Variants in ENOX2 observed in about 807,000 individuals in gnomAD.
The protein encoded by ENOX2 is APK1 antigen.
A neutral mutation model predicts 45.0 loss-of-function variants in ENOX2; 36 were observed. That is an observed-to-expected ratio of 0.80 (90% CI 0.61 to 1.06). The LOEUF (loss-of-function observed/expected upper bound fraction) is 1.06, where lower values mean the gene tolerates loss of function less well. ENOX2 is among the 50% of genes least tolerant of loss of function. The pLI, the probability that ENOX2 is intolerant of heterozygous loss-of-function variation, is 0.00. For synonymous variants in ENOX2, 174 were observed against 152.3 expected (o/e 1.14, Z -1.05); for missense variants, 423 against 462.5 (o/e 0.91, Z 0.78).
intron 2 of ENOX2, among the ~76,000 whole-genome samples, chrX:130,795,271 C>T (rs1237794209): frequency 8.9e-6 from 1 of 111,772 alleles, no homozygotes; most frequent in Non-Finnish European, 1.9e-5. Context: ...TTAGAGAAGT[C>T]CCTGCCTAAG....
At chrX:130,665,108 A>C (rs1163801292) in intron 9 of ENOX2, among the ~76,000 whole-genome samples, 3 of 112,205 alleles carry the variant, frequency 2.7e-5, no homozygotes, top group Non-Finnish European at 5.6e-5. Context: ...TAAAAATGTC[A>C]CTTGAGTATA....
chrX:130,773,069 T>C (rs1399123234), intron 3 of ENOX2, among the ~76,000 whole-genome samples: 1 of 112,537 alleles, frequency 8.9e-6, no homozygotes, highest in African/African-American at 3.2e-5. Flanking sequence ...AAGGCCAGAA[T>C]TGGATTCTGT....
At chrX:130,660,386 T>C (rs1418049565) in intron 9 of ENOX2, among the ~76,000 whole-genome samples, 2 of 111,867 alleles carry the variant, frequency 1.8e-5, no homozygotes, top group African/African-American at 6.5e-5. Context: ...CTTAAAGCAC[T>C]TGATGTCTGA....
chrX:130,700,028 T>C (rs903577860), intron 4 of ENOX2, among the ~76,000 whole-genome samples: 1 of 111,771 alleles, frequency 8.9e-6, no homozygotes, highest in Non-Finnish European at 1.9e-5. Context: ...CCCTACAACA[T>C]AGGTGCCGTT....
At chrX:130,788,853 T>C (rs958321495) in intron 2 of ENOX2, among the ~76,000 whole-genome samples, 3 of 112,303 alleles carry the variant, frequency 2.7e-5, no homozygotes, top group African/African-American at 6.5e-5. Flanking sequence ...TAAAGACAAA[T>C]AGATAATAAA....
At chrX:130,894,558 A>C (rs1334395908) in intron 2 of ENOX2, among the ~76,000 whole-genome samples, 1 of 109,703 alleles carries the variant, frequency 9.1e-6, no homozygotes, top group Non-Finnish European at 1.9e-5. Flanking sequence ...TCTAAATTGA[A>C]AGTATTTCAA....
intron 3 of ENOX2, among the ~76,000 whole-genome samples, chrX:130,704,194 G>T (rs995020607): frequency 1.8e-5 from 2 of 111,932 alleles, no homozygotes; most frequent in African/African-American, 6.5e-5. Flanking sequence ...GACTCAAATG[G>T]TATAGATCAG....
chrX:130,647,189 C>T (rs780935769), intron 10 of ENOX2, among the ~76,000 whole-genome samples: 15 of 112,116 alleles, frequency 1.3e-4, no homozygotes, highest in Non-Finnish European at 2.8e-4. Flanking sequence ...GCTGCTAAGC[C>T]AGGGTACAAT....
At chrX:130,653,075 C>G in intron 10 of ENOX2, among the ~76,000 whole-genome samples, 1 of 112,025 alleles carries the variant, frequency 8.9e-6, no homozygotes, top group East Asian at 2.8e-4. Flanking sequence ...CAGACTCATT[C>G]CTGGCTTTTT....
intron 3 of ENOX2, among the ~76,000 whole-genome samples, chrX:130,717,642 C>G (rs1251739731): frequency 8.9e-6 from 1 of 112,100 alleles, no homozygotes; most frequent in Non-Finnish European, 1.9e-5. Context: ...TTCTGTATAT[C>G]AAATCCTATT....
intron 6 of ENOX2, among the ~76,000 whole-genome samples, chrX:130,673,435 C>T (rs894993109): frequency 3.8e-5 from 4 of 104,133 alleles, no homozygotes; most frequent in African/African-American, 1.1e-4. Flanking sequence ...CACAAAGCAA[C>T]GAGAAAAACA....
chrX:130,715,848 C>T (rs2038316752), intron 3 of ENOX2, among the ~76,000 whole-genome samples: 2 of 111,866 alleles, frequency 1.8e-5, no homozygotes, highest in Admixed American at 9.5e-5. Context: ...TAGTACCCAT[C>T]TTATAGAGCT....
At chrX:130,818,263 TGG>T (rs2077524869) in intron 2 of ENOX2, among the ~76,000 whole-genome samples, 3 of 111,372 alleles carry the variant, frequency 2.7e-5, no homozygotes, top group Non-Finnish European at 5.7e-5. Context: ...CATAAAGAAA[TGG>T]AAAAACATCC....
At chrX:130,763,785 GTGT>G (rs1569498421) in intron 3 of ENOX2, among the ~76,000 whole-genome samples, 1 of 111,129 alleles carries the variant, frequency 9.0e-6, no homozygotes. Context: ...CCTGGCAGAA[GTGT>G]TGATGTGCCT....
chrX:130,692,639 G>C (rs10218316), intron 4 of ENOX2, among the ~76,000 whole-genome samples: 44 of 105,122 alleles, frequency 4.2e-4, no homozygotes, highest in African/African-American at 1.5e-3. Context: ...GGAGTGGAGT[G>C]GTGCGATCTC....
chrX:130,809,908 T>G (rs759630854), intron 2 of ENOX2, among the ~76,000 whole-genome samples: 1 of 111,192 alleles, frequency 9.0e-6, no homozygotes, highest in Non-Finnish European at 1.9e-5. Flanking sequence ...TAGAGCTTCT[T>G]GCACTCCTCT....
At chrX:130,742,219 A>ATG (rs1204270997) in intron 3 of ENOX2, among the ~76,000 whole-genome samples, 1 of 95,063 alleles carries the variant, frequency 1.1e-5, no homozygotes, top group Admixed American at 1.2e-4. Context: ...GTGTAAGAAC[A>ATG]TGTCTGGTTT....
chrX:130,892,726 C>A (rs1313503843), intron 2 of ENOX2, among the ~76,000 whole-genome samples: 9 of 112,753 alleles, frequency 8.0e-5, no homozygotes, highest in Non-Finnish European at 5.6e-5. Flanking sequence ...GATACACAGA[C>A]TAGAGTTTTG....
chrX:130,675,103 G>A lies in ENOX2; in HGVS notation c.460+4439C>T, dbSNP rs1428347890. Among the ~76,000 whole-genome samples, 26 of 108,759 alleles carry A rather than the reference G, an allele frequency of 2.4e-4. 1 individual carries two copies. Among genetic ancestry groups the A allele is most frequent in the Admixed American group, 1.9e-3 (19 of 10,157 alleles). 94.4% of individuals were successfully genotyped at this position (108,759 alleles called of 115,157 possible). A position where few individuals can be genotyped will look rare whatever the true frequency, so the allele number is the denominator to read the frequency against. On this transcript the variant is annotated intron_variant, in intron 6 of 14. Coordinates refer to ENST00000394363, the MANE Select transcript of ENOX2 (RefSeq NM_006375.4). ...TACGTGTGCATATGTCTTTATAGCA[G>A]CATGATTTATAGTCCTTTGGGTATA...
Sources: gnomAD v4.1 joint callset for allele counts (sites outside exome capture counted in the v4.1 genomes callset) on GRCh38, gnomAD v4.1.1 for gene constraint, MANE v1.5 for transcripts, NCBI Gene and HGNC (gene_info 2026-07-23, HGNC 2026-07-21) for gene names.